TCERG1L: variants seen among roughly 807,000 people sequenced by gnomAD.
The protein encoded by TCERG1L is transcription elongation regulator 1 like, also known as transcription elongation regulator 1-like protein.
A neutral mutation model predicts 56.3 loss-of-function variants in TCERG1L; 37 were observed. That is an observed-to-expected ratio of 0.66 (90% CI 0.51 to 0.87). The LOEUF (loss-of-function observed/expected upper bound fraction) is 0.87. TCERG1L is among the 40% of genes least tolerant of loss of function. The probability of loss-of-function intolerance (pLI) is 0.00; values close to 1 mark genes in which losing one functional copy is unlikely to be tolerated. For synonymous variants in TCERG1L, 324 were observed against 326.3 expected, an observed-to-expected ratio of 0.99 and a Z score of 0.08; for missense variants, 799 against 774.2, an observed-to-expected ratio of 1.03 and a Z score of -0.38.
intron 4 of TCERG1L, among the ~76,000 whole-genome samples, chr10:131,203,547 C>T (rs530137554): frequency 8.2e-4 from 125 of 152,314 alleles, no homozygotes; most frequent in African/African-American, 2.9e-3. Context: ...AAAACGCCCC[C>T]GTCATGTCAA....
At chr10:131,163,863 C>G (rs569012078) in intron 5 of TCERG1L, 1 of 152,274 alleles carries the variant, frequency 6.6e-6, no homozygotes, top group Non-Finnish European at 1.5e-5. Context: ...GGCATGGTGG[C>G]TCACGCCTGT....
chr10:131,261,964 C>G (rs760497768), intron 3 of TCERG1L, among the ~76,000 whole-genome samples: 1 of 152,210 alleles, frequency 6.6e-6, no homozygotes, highest in South Asian at 2.1e-4. Context: ...AGCAGGCGTG[C>G]GAAGGCCCCG....
chr10:131,264,018 C>T (rs916706548), intron 3 of TCERG1L, among the ~76,000 whole-genome samples: 1 of 151,768 alleles, frequency 6.6e-6, no homozygotes, highest in Non-Finnish European at 1.5e-5. Context: ...CACTGGGAGC[C>T]CCCAGAAGGG....
At position 131,311,225 on chromosome 10, in the gene TCERG1L, G is replaced by T; in HGVS notation, c.342+69C>A. 8.7e-7 allele frequency: 1 copy of T among 1,155,838 alleles called. No homozygotes were observed. The highest frequency in any genetic ancestry group is 1.1e-6 in the Non-Finnish European group (1 of 930,562). The allele number at this position is 1,155,838 out of a possible 1,614,324, so 71.6% of individuals were successfully genotyped here. The stretch of plus-strand genomic sequence containing the variant: ...CGCGCGAGCCGGAGGCCAGAGCCGG[G>T]CCGGGCAGGGCGCGCCCAGGAGCAG... On this transcript the variant is annotated intron_variant, in intron 1 of 11. Coordinates refer to ENST00000368642, the MANE Select transcript of TCERG1L (RefSeq NM_174937.4). This position sits in a 1 kb window ranked among gnomAD's most constrained non-coding sequence, Gnocchi z 4.0.
chr10:131,270,363 T>C (rs1846328184), intron 3 of TCERG1L, among the ~76,000 whole-genome samples: 1 of 152,162 alleles, frequency 6.6e-6, no homozygotes, highest in African/African-American at 2.4e-5. Context: ...ATAAATACCA[T>C]AACTAACTTT....
At chr10:131,307,171 T>C (rs1846825349) in intron 3 of TCERG1L, among the ~76,000 whole-genome samples, 1 of 152,252 alleles carries the variant, frequency 6.6e-6, no homozygotes, top group Non-Finnish European at 1.5e-5. Context: ...AAAATGTTTA[T>C]AAATGTGTGC....
At chr10:131,196,839 A>T (rs10765050) in intron 4 of TCERG1L, among the ~76,000 whole-genome samples, 57,927 of 152,138 alleles carry the variant, frequency 0.38, 11,194 homozygotes, top group East Asian at 0.49. Context: ...TTCTTAGTAC[A>T]AATTGATACC....
rs114813462 is a variant in TCERG1L, at chr10:131,195,246, C to G, written c.857-28361G>C. Among the ~76,000 whole-genome samples the G allele has an allele frequency of 3.9e-3, 592 of 152,306 alleles. 1 individual carries two copies. Among genetic ancestry groups the G allele is most frequent in the African/African-American group, 0.013 (524 of 41,566 alleles). Reference sequence around the variant, plus strand: ...AAACCGTGTATGTGAAGCCTGATCACAGCTTTTATCTGCCCATACCTGGCC... The same window carrying G: ...AAACCGTGTATGTGAAGCCTGATCAGAGCTTTTATCTGCCCATACCTGGCC... On this transcript the variant is annotated intron_variant, in intron 4 of 11. Coordinates refer to ENST00000368642, the MANE Select transcript of TCERG1L (RefSeq NM_174937.4).
intron 4 of TCERG1L, among the ~76,000 whole-genome samples, chr10:131,184,173 C>T (rs140844617): frequency 9.8e-5 from 15 of 152,334 alleles, no homozygotes; most frequent in Admixed American, 2.0e-4. Context: ...GTGCACTAAG[C>T]GATGACTTCA....
At chr10:131,097,052 T>C (rs1263345257) in intron 11 of TCERG1L, among the ~76,000 whole-genome samples, 1 of 151,524 alleles carries the variant, frequency 6.6e-6, no homozygotes, top group Non-Finnish European at 1.5e-5. Context: ...ATACAAAAAT[T>C]AGCTGTGCAT....
intron 5 of TCERG1L, 143 bp from the exon 6 acceptor site, chr10:131,163,353 G>A (rs923347824): frequency 2.4e-5 from 15 of 637,510 alleles, no homozygotes; most frequent in East Asian, 8.9e-5. Flanking sequence ...GCACGGCAGC[G>A]CCTGGCTGGG....
At chr10:131,266,188 A>G (rs1354856260) in intron 3 of TCERG1L, among the ~76,000 whole-genome samples, 2 of 152,250 alleles carry the variant, frequency 1.3e-5, no homozygotes, top group African/African-American at 2.4e-5. Flanking sequence ...TTGAGATTTC[A>G]GCAATTCAGT....
intron 8 of TCERG1L, among the ~76,000 whole-genome samples, chr10:131,122,683 G>C (rs1043885784): frequency 3.3e-5 from 5 of 152,206 alleles, no homozygotes; most frequent in African/African-American, 7.2e-5. Flanking sequence ...CTTTCTGTGA[G>C]TTCTCTGAGT....
chr10:131,135,922 C>T (rs1030820553), intron 7 of TCERG1L, among the ~76,000 whole-genome samples: 1 of 152,234 alleles, frequency 6.6e-6, no homozygotes, highest in Non-Finnish European at 1.5e-5. Flanking sequence ...CCGGGCGGAG[C>T]TTCCTGGCTT....
chr10:131,146,848 T>G (rs1845801035), intron 6 of TCERG1L, among the ~76,000 whole-genome samples, 188 bp from the exon 7 acceptor site: 1 of 152,158 alleles, frequency 6.6e-6, no homozygotes, highest in Admixed American at 6.5e-5. Context: ...TCTGACTCAT[T>G]TGATTAACAG....
chr10:131,137,141 A>G (rs1845684537), intron 7 of TCERG1L, among the ~76,000 whole-genome samples: 1 of 139,918 alleles, frequency 7.1e-6, no homozygotes, highest in African/African-American at 2.6e-5. Context: ...CTCTGTCTCA[A>G]AAAACAACAA....
At chr10:131,233,429 T>C (rs376734161) in intron 4 of TCERG1L, among the ~76,000 whole-genome samples, 2 of 134,480 alleles carry the variant, frequency 1.5e-5, no homozygotes, top group African/African-American at 2.5e-5. Flanking sequence ...CACACATATA[T>C]ACACACATAT....
At chr10:131,206,399 C>A (rs958287204) in intron 4 of TCERG1L, among the ~76,000 whole-genome samples, 4 of 152,264 alleles carry the variant, frequency 2.6e-5, no homozygotes, top group East Asian at 3.9e-4. Context: ...CCCCAGACAG[C>A]CAAGGAAGGG....
At chr10:131,285,568 G>T (rs1465778216) in intron 3 of TCERG1L, among the ~76,000 whole-genome samples, 2 of 146,496 alleles carry the variant, frequency 1.4e-5, no homozygotes, top group Admixed American at 7.0e-5. Context: ...GAAAGAAAAA[G>T]AAAGAAAGAA....
Sources: allele counts gnomAD v4.1 joint callset (sites outside exome capture counted in the v4.1 genomes callset), GRCh38; gene constraint gnomAD v4.1.1; non-coding constraint Gnocchi (gnomAD v3.1); transcripts MANE v1.5; gene names NCBI Gene and HGNC (gene_info 2026-07-23, HGNC 2026-07-21).